The following NAXD variants were observed in gnomAD, a reference collection of about 807,000 sequenced individuals.
NAXD encodes the protein NAD(P)HX dehydratase.
A neutral mutation model predicts 35.8 loss-of-function variants in NAXD; 22 were observed. That is an observed-to-expected ratio of 0.62 (90% confidence interval 0.44 to 0.88). The LOEUF is 0.88. NAXD is among the 40% of genes least tolerant of loss of function. The probability of loss-of-function intolerance (pLI) is 0.00; values close to 1 mark genes in which losing one functional copy is unlikely to be tolerated. For synonymous variants in NAXD, 189 were observed against 177.6 expected, an observed-to-expected ratio of 1.06 and a Z score of -0.51; for missense variants, 428 against 437.7, an observed-to-expected ratio of 0.98 and a Z score of 0.20.
chr13:110,622,346 C>T lies in NAXD; in HGVS notation c.177C>T (p.Gly59=), dbSNP rs755884055. The T allele has an allele frequency of 5.0e-6, 8 of 1,614,048 alleles. No individual in the cohort carries two copies. The highest frequency in any genetic ancestry group is 1.7e-5 in the Admixed American group (1 of 59,986). Residue 59 remains glycine (G), a synonymous_variant, in exon 2 of 10, where the codon GGC becomes GGT. Transcript: ENST00000680254. ...ACAAAGGGCAAGATGGAAGAATAGG[C>T]GTAGTTGGAGGCTGTCAGGAGTAAG... is the stretch of plus-strand genomic sequence containing the variant. ...TKHKGQDGRI[G]VVGGCQEYTG...
rs188583354 is a variant in NAXD at position 110,627,626 on chromosome 13, C to G, written c.441+79C>G. 86 of 982,036 alleles carry G rather than the reference C, an allele frequency of 8.8e-5. No homozygotes were observed. The African/African-American group carries it at 1.1e-3, about 12-fold the overall frequency. 60.8% of individuals were successfully genotyped at this position (982,036 alleles called of 1,614,324 possible). A position where few individuals can be genotyped will look rare whatever the true frequency, so the allele number is the denominator to read the frequency against. ...AGTTGGAACAGAGGCATTTCTCTTG[C>G]ATTTTGTGTAGTGTTCCGTGTGCCT... On this transcript the variant is annotated intron_variant, in intron 5 of 9. Transcript: ENST00000680254.
intron 1 of NAXD, 64 bp from the exon 2 acceptor site, chr13:110,622,152 G>A (rs1886290429): frequency 1.5e-6 from 2 of 1,367,026 alleles, no homozygotes; most frequent in Admixed American, 4.2e-5. Context: ...TGGTTAATGG[G>A]CTATTATGTG....
intron 1 of NAXD, among the ~76,000 whole-genome samples, chr13:110,620,127 T>C (rs1051839335): frequency 6.6e-6 from 1 of 152,074 alleles, no homozygotes; most frequent in Admixed American, 6.6e-5. Context: ...GACAAGTGTA[T>C]TGTTTTAAAA....
chr13:110,619,451 T>C lies in NAXD; in HGVS notation c.47-2765T>C, dbSNP rs1786297402. Among the ~76,000 whole-genome samples the C allele has an allele frequency of 3.3e-5, 5 of 152,342 alleles. No individual in the cohort carries two copies. The South Asian group carries it at 1.0e-3, about 32-fold the overall frequency. ...TTTCATCAGGCAGGGTACATTGATATAAATGTTGATTTTTAACATCCGTAA... is the reference window on the plus strand; with the variant it reads ...TTTCATCAGGCAGGGTACATTGATACAAATGTTGATTTTTAACATCCGTAA... On this transcript the variant is annotated intron_variant, in intron 1 of 9. Transcript: ENST00000680254.
At chr13:110,617,316 A>C (rs1313799068) in intron 1 of NAXD, among the ~76,000 whole-genome samples, 1 of 152,244 alleles carries the variant, frequency 6.6e-6, no homozygotes, top group Non-Finnish European at 1.5e-5. Context: ...TCCTTAAAAC[A>C]AAAGCCAAAC....
At chr13:110,623,105 T>G (rs1239442092) in intron 2 of NAXD, among the ~76,000 whole-genome samples, 1 of 152,194 alleles carries the variant, frequency 6.6e-6, no homozygotes, top group Non-Finnish European at 1.5e-5. Flanking sequence ...CCTTTGCTAG[T>G]GAAGTCGACA....
chr13:110,620,046 A>G (rs950332638), intron 1 of NAXD, among the ~76,000 whole-genome samples: 22 of 151,828 alleles, frequency 1.4e-4, no homozygotes, highest in African/African-American at 4.4e-4. Context: ...TGATCCACCC[A>G]CCTTGGCCTC....
chr13:110,620,219 T>C (rs1257073315), intron 1 of NAXD, among the ~76,000 whole-genome samples: 1 of 152,002 alleles, frequency 6.6e-6, no homozygotes, highest in Non-Finnish European at 1.5e-5. Flanking sequence ...TCATTGTGTC[T>C]CTCCTTGGCC....
At chr13:110,635,813 G>A (rs750130720) in intron 8 of NAXD, among the ~76,000 whole-genome samples, 1 of 152,256 alleles carries the variant, frequency 6.6e-6, no homozygotes, top group African/African-American at 2.4e-5. Flanking sequence ...CTTTCGAGCC[G>A]TGGGCCTTAC....
At chr13:110,624,742 G>A (rs1014147808) in intron 3 of NAXD, among the ~76,000 whole-genome samples, 6 of 152,218 alleles carry the variant, frequency 3.9e-5, no homozygotes, top group South Asian at 4.1e-4. Context: ...GATTACAGGC[G>A]TGAGCCACTG....
rs570156541 is a variant in NAXD at position 110,626,747 on chromosome 13, T to C, written c.333-692T>C. Among the ~76,000 whole-genome samples the C allele has an allele frequency of 2.2e-3, 333 of 152,118 alleles. 1 individual carries two copies. Among genetic ancestry groups the C allele is most frequent in the African/African-American group, 7.8e-3 (324 of 41,484 alleles). Reference sequence around the variant, plus strand: ...AGTTGGTGCATCTCACAGTGCGGGGTGACCCTGACAAGGGAGCTTGTCGGG... The same window carrying C: ...AGTTGGTGCATCTCACAGTGCGGGGCGACCCTGACAAGGGAGCTTGTCGGG... On this transcript the variant is annotated intron_variant, in intron 4 of 9. Coordinates refer to ENST00000680254, the MANE Select transcript of NAXD (RefSeq NM_001242882.2).
At chr13:110,620,578 C>T (rs1024415568) in intron 1 of NAXD, among the ~76,000 whole-genome samples, 1 of 84,910 alleles carries the variant, frequency 1.2e-5, no homozygotes, top group African/African-American at 3.8e-5. Context: ...GACTCTGTCT[C>T]AAAAAAAAAA....
intron 1 of NAXD, 108 bp downstream of exon 1, chr13:110,615,755 CG>C: frequency 3.5e-6 from 5 of 1,441,406 alleles, no homozygotes; most frequent in Non-Finnish European, 4.6e-6. Context: ...TCGCGCTGTA[CG>C]GGCCGCCACT....
chr13:110,615,748 C>T, intron 1 of NAXD, 101 bp downstream of exon 1: 3 of 1,471,622 alleles, frequency 2.0e-6, no homozygotes, highest in South Asian at 1.3e-5. Flanking sequence ...GCCGCACTCG[C>T]GCTGTACGGG....
intron 4 of NAXD, among the ~76,000 whole-genome samples, chr13:110,626,409 C>T (rs372582969): frequency 5.3e-5 from 8 of 151,902 alleles, no homozygotes; most frequent in African/African-American, 1.2e-4. Flanking sequence ...GAAGATGAGG[C>T]GTTGGGTGTA....
At position 110,624,222 on chromosome 13, in the gene NAXD, C is replaced by G. The variant is rs757080444; in HGVS notation, c.198-12C>G. On this transcript the variant is annotated splice_polypyrimidine_tract_variant and intron_variant, in intron 2 of 9. Transcript: ENST00000680254. Reference sequence around the variant, plus strand: ...TCTCAGAAGTTTTTGACTCTAAATACCTTCTTTTTAGGTACACTGGAGCCC... The same window carrying G: ...TCTCAGAAGTTTTTGACTCTAAATAGCTTCTTTTTAGGTACACTGGAGCCC... 6.3e-7 allele frequency: 1 copy of G among 1,587,970 alleles called. No homozygotes were observed. The highest frequency in any genetic ancestry group is 2.2e-5 in the East Asian group (1 of 44,710).
rs373066211 is a variant in NAXD at position 110,634,368 on chromosome 13, T to C, written c.442-177T>C. Among the ~76,000 whole-genome samples, 74 of 152,304 alleles carry C rather than the reference T, an allele frequency of 4.9e-4. 2 individuals are homozygous for C. The highest frequency in any genetic ancestry group is 3.9e-3 in the South Asian group (19 of 4,830). On this transcript the variant is annotated intron_variant, in intron 5 of 9. Transcript: ENST00000680254. ...CAGAAGGGCAGGAGAGAGACCCTTA[T>C]GCCTCTTTTAAAGGTCATTAAACCA...
At chr13:110,616,081 G>A (rs972025330) in intron 1 of NAXD, 18 of 344,650 alleles carry the variant, frequency 5.2e-5, no homozygotes, top group Non-Finnish European at 8.3e-5. Flanking sequence ...CTGGGGCGCC[G>A]TGGTGCGCTG....
At position 110,615,566 on chromosome 13, in the gene NAXD, G is replaced by T. The variant is rs764078843; in HGVS notation, c.-36G>T. 3.1e-5 allele frequency: 41 copies of T among 1,334,590 alleles called. No individual in the cohort carries two copies. In the Admixed American group the frequency reaches 1.1e-3, roughly 36 times the overall value. 82.7% of individuals were successfully genotyped at this position (1,334,590 alleles called of 1,614,324 possible). On this transcript the variant is annotated 5_prime_UTR_variant, in exon 1 of 10. Coordinates refer to ENST00000680254, the MANE Select transcript of NAXD (RefSeq NM_001242882.2). ...TTCCAATGGCTGTGTTTCCGGCGAC[G>T]GCGCGGGGGCAGCTGGGAATCCGGA...
Sources: gnomAD v4.1 joint callset for allele counts (sites outside exome capture counted in the v4.1 genomes callset) on GRCh38, gnomAD v4.1.1 for gene constraint, MANE v1.5 for transcripts, NCBI Gene and HGNC (gene_info 2026-07-23, HGNC 2026-07-21) for gene names.